The following SEMA6D variants were observed in gnomAD, a reference collection of about 807,000 sequenced individuals.
SEMA6D encodes the protein semaphorin-6D.
SEMA6D carries 35 observed loss-of-function variants against 106.6 expected under a neutral mutation model. The ratio of observed to expected loss-of-function variants is 0.33; its 90% confidence interval spans 0.25 to 0.44. The LOEUF (loss-of-function observed/expected upper bound fraction) is 0.44. Ranked by LOEUF, SEMA6D falls within the 20% of genes least tolerant of loss-of-function variation. SEMA6D has a pLI of 1.00. For synonymous variants in SEMA6D, 499 were observed against 487.7 expected (o/e 1.02, Z -0.31); for missense variants, 1,185 against 1,345.9 (o/e 0.88, Z 1.87).
chr15:47,319,051 G>T, intron 1 of SEMA6D, among the ~76,000 whole-genome samples: 1 of 151,504 alleles, frequency 6.6e-6, no homozygotes, highest in African/African-American at 2.4e-5. Flanking sequence ...ATTTCTCTTT[G>T]CTTTTCAGTT....
At chr15:47,621,003 A>G (rs2077088384) in intron 4 of SEMA6D, among the ~76,000 whole-genome samples, 1 of 150,128 alleles carries the variant, frequency 6.7e-6, no homozygotes, top group Non-Finnish European at 1.5e-5. Context: ...GGGTGATATG[A>G]AAAAAAAACC....
At chr15:47,487,642 A>T (rs1457126643) in intron 3 of SEMA6D, among the ~76,000 whole-genome samples, 10 of 152,076 alleles carry the variant, frequency 6.6e-5, no homozygotes, top group Admixed American at 6.5e-4. Context: ...CATTCTTTTG[A>T]TGGCTGAATC....
intron 1 of SEMA6D, among the ~76,000 whole-genome samples, chr15:47,221,431 C>T (rs7163647): frequency 0.42 from 64,219 of 151,986 alleles, 14,584 homozygotes; most frequent in African/African-American, 0.57. Context: ...ATTAACCCTG[C>T]GGGCACTTCT....
chr15:47,683,028 C>T (rs2078391383), intron 4 of SEMA6D, among the ~76,000 whole-genome samples: 1 of 152,102 alleles, frequency 6.6e-6, no homozygotes, highest in Non-Finnish European at 1.5e-5. Flanking sequence ...AAAGAGCAGA[C>T]CATGAGTAGA....
intron 1 of SEMA6D, among the ~76,000 whole-genome samples, chr15:47,202,552 C>T (rs547116814): frequency 6.6e-6 from 1 of 152,134 alleles, no homozygotes; most frequent in Non-Finnish European, 1.5e-5. Context: ...AGGAAAGAAT[C>T]AGGGGAGAAG....
chr15:47,423,073 G>T (rs1206850447), intron 2 of SEMA6D, among the ~76,000 whole-genome samples: 1 of 152,060 alleles, frequency 6.6e-6, no homozygotes, highest in Non-Finnish European at 1.5e-5. Flanking sequence ...AGAGTTATAA[G>T]CAGAGTTCCT....
intron 1 of SEMA6D, among the ~76,000 whole-genome samples, chr15:47,319,565 C>A (rs2036842951): frequency 6.6e-6 from 1 of 151,990 alleles, no homozygotes; most frequent in Non-Finnish European, 1.5e-5. Context: ...GAGAAAAAAA[C>A]AGGATGGGGT....
chr15:47,662,847 G>A lies in SEMA6D; in HGVS notation c.-55+61951G>A, dbSNP rs543056613. ...AGAAGTAAGCAGTCATTATTCATGC[G>A]TGTATGAGCGCACACACACACACAC... On this transcript the variant is annotated intron_variant, in intron 4 of 19. Coordinates refer to the SEMA6D transcript ENST00000558014. Among the ~76,000 whole-genome samples the A allele has an allele frequency of 1.4e-4, 18 of 127,438 alleles. No individual in the cohort carries two copies. In the South Asian group the frequency reaches 3.9e-3, roughly 28 times the overall value. The allele number at this position is 127,438 out of a possible 152,430, so 83.6% of individuals were successfully genotyped here.
Position 47,584,357 on chromosome 15 carries a change from A to C in SEMA6D, c.-86-16508A>C, listed in dbSNP as rs544600340. Among the ~76,000 whole-genome samples, 16 of 151,972 alleles carry C rather than the reference A, an allele frequency of 1.1e-4. No homozygotes were observed. In the East Asian group the frequency reaches 2.7e-3, roughly 26 times the overall value. ...ATAATCGCCTGAACCCAGGAGGCAG[A>C]GGTTGCAGTGAGCCGAGATTGTGCC... On this transcript the variant is annotated intron_variant, in intron 3 of 19. Coordinates refer to the SEMA6D transcript ENST00000558014.
chr15:47,206,929 A>G (rs1264508527), intron 1 of SEMA6D, among the ~76,000 whole-genome samples: 1 of 152,116 alleles, frequency 6.6e-6, no homozygotes, highest in African/African-American at 2.4e-5. Flanking sequence ...AACAGCAAAG[A>G]AGCCTCTCCA....
chr15:47,530,971 C>T (rs535691120), intron 3 of SEMA6D, among the ~76,000 whole-genome samples: 1 of 152,140 alleles, frequency 6.6e-6, no homozygotes, highest in Non-Finnish European at 1.5e-5. Context: ...AATAAGTATT[C>T]AATAATTGTT....
chr15:47,738,680 C>T (rs1018087100), intron 1 of SEMA6D, among the ~76,000 whole-genome samples: 2 of 152,286 alleles, frequency 1.3e-5, no homozygotes, highest in East Asian at 3.9e-4. Flanking sequence ...CAGGATAAAG[C>T]GAGTGCTGAG....
chr15:47,216,967 A>G (rs1205473890), intron 1 of SEMA6D, among the ~76,000 whole-genome samples: 1 of 152,186 alleles, frequency 6.6e-6, no homozygotes, highest in Non-Finnish European at 1.5e-5. Context: ...TGGTATTAGA[A>G]AGTGGGAACT....
intron 1 of SEMA6D, among the ~76,000 whole-genome samples, chr15:47,279,603 C>T (rs371832878): frequency 0.32 from 47,635 of 149,434 alleles, 7,919 homozygotes; most frequent in Middle Eastern, 0.5. Context: ...CTGTCTTGTG[C>T]CAGTTTTCAA....
chr15:47,501,455 ACC>A (rs2043846085), intron 3 of SEMA6D, among the ~76,000 whole-genome samples: 1 of 152,272 alleles, frequency 6.6e-6, no homozygotes, highest in South Asian at 2.1e-4. Flanking sequence ...CCTCCATGGG[ACC>A]AAAATAGATT....
intron 1 of SEMA6D, among the ~76,000 whole-genome samples, chr15:47,253,321 G>T (rs1026578138): frequency 6.6e-6 from 1 of 152,038 alleles, no homozygotes; most frequent in African/African-American, 2.4e-5. Context: ...TCTTTGCTTT[G>T]TTTATTGTTT....
chr15:47,526,994 C>A (rs57573402), intron 3 of SEMA6D, among the ~76,000 whole-genome samples: 15,010 of 152,150 alleles, frequency 0.099, 1,086 homozygotes, highest in African/African-American at 0.21. Context: ...GCCTAAGCCT[C>A]CCAAAGTGCT....
intron 1 of SEMA6D, among the ~76,000 whole-genome samples, chr15:47,403,610 G>A (rs1595913307): frequency 1.3e-5 from 2 of 152,206 alleles, no homozygotes; most frequent in East Asian, 3.9e-4. Context: ...AGGTACATTG[G>A]TGGCACAGAG....
At chr15:47,220,962 A>G (rs1181162319) in intron 1 of SEMA6D, among the ~76,000 whole-genome samples, 1 of 152,214 alleles carries the variant, frequency 6.6e-6, no homozygotes, top group African/African-American at 2.4e-5. Context: ...ATGTTAATAT[A>G]TTAAAATGTC....
Sources: gnomAD v4.1 joint callset for allele counts (sites outside exome capture counted in the v4.1 genomes callset) on GRCh38, gnomAD v4.1.1 for gene constraint, MANE v1.5 for transcripts, NCBI Gene and HGNC (gene_info 2026-07-23, HGNC 2026-07-21) for gene names.